PTK2B: variants seen among roughly 807,000 people sequenced by gnomAD.
The protein encoded by PTK2B is protein-tyrosine kinase 2-beta.
In PTK2B, 71 loss-of-function variants were observed where a neutral mutation model predicts 142.9. The ratio of observed to expected loss-of-function variants is 0.50; its 90% CI spans 0.41 to 0.61. The LOEUF (loss-of-function observed/expected upper bound fraction) is 0.61. Ranked by LOEUF, PTK2B falls within the 20% of genes least tolerant of loss-of-function variation. PTK2B has a pLI of 0.00. For synonymous variants in PTK2B, 519 were observed against 503.4 expected, an observed-to-expected ratio of 1.03 and a Z score of -0.42; for missense variants, 1,105 against 1,320.4, an observed-to-expected ratio of 0.84 and a Z score of 2.53.
At chr8:27,451,180 C>A in intron 26 of PTK2B, 102 bp downstream of exon 26, 1 of 1,356,376 alleles carries the variant, frequency 7.4e-7, no homozygotes, top group Non-Finnish European at 1.0e-6. Flanking sequence ...CAGGCCTGCC[C>A]AGCTCCTCCT....
intron 1 of PTK2B, among the ~76,000 whole-genome samples, chr8:27,340,546 G>A (rs767606964): frequency 1.3e-5 from 2 of 152,216 alleles, no homozygotes; most frequent in East Asian, 3.9e-4. Flanking sequence ...ATCATTCTCC[G>A]GTGACAGGAA....
intron 1 of PTK2B, among the ~76,000 whole-genome samples, chr8:27,343,613 A>G (rs922648364): frequency 6.6e-6 from 1 of 152,200 alleles, no homozygotes; most frequent in African/African-American, 2.4e-5. Context: ...TCTCAGCCCA[A>G]TGCCACAGAG....
intron 2 of PTK2B, among the ~76,000 whole-genome samples, chr8:27,406,837 T>G (rs937474752): frequency 4.6e-5 from 7 of 152,308 alleles, no homozygotes; most frequent in Non-Finnish European, 1.0e-4. Flanking sequence ...AATAAAACTT[T>G]ACCTGTCATG....
intron 5 of PTK2B, among the ~76,000 whole-genome samples, chr8:27,426,057 G>A (rs1007828359): frequency 3.3e-5 from 5 of 151,980 alleles, no homozygotes; most frequent in African/African-American, 7.3e-5. Context: ...TCCACCCCCA[G>A]CAGAGCCCTA....
chr8:27,421,952 G>T (rs570168556), intron 4 of PTK2B, among the ~76,000 whole-genome samples: 1 of 152,202 alleles, frequency 6.6e-6, no homozygotes, highest in South Asian at 2.1e-4. Context: ...GCCTGTGAAT[G>T]ACATTTATCA....
upstream of PTK2B, among the ~76,000 whole-genome samples, chr8:27,322,038 GGAGT>G (rs1803229799): frequency 6.6e-6 from 1 of 151,690 alleles, no homozygotes; most frequent in Non-Finnish European, 1.5e-5. Context: ...CACCCAGGCT[GGAGT>G]GCAGTGGCAT....
chr8:27,350,357 A>G (rs968431875), intron 1 of PTK2B, among the ~76,000 whole-genome samples: 2 of 130,470 alleles, frequency 1.5e-5, no homozygotes, highest in African/African-American at 6.0e-5. Context: ...AGACATTTGC[A>G]TTCTCTTCTG....
chr8:27,428,931 T>C (rs892821027), intron 5 of PTK2B, among the ~76,000 whole-genome samples: 1 of 152,236 alleles, frequency 6.6e-6, no homozygotes, highest in Non-Finnish European at 1.5e-5. Context: ...TCTTTTTAAT[T>C]CTTTTGAGAC....
chr8:27,422,421 G>C (rs773856594), intron 5 of PTK2B, 38 bp downstream of exon 5: 1 of 1,554,270 alleles, frequency 6.4e-7, no homozygotes, highest in South Asian at 1.2e-5. Context: ...AGGGCGCTGT[G>C]CTGAGCTCTG....
intron 1 of PTK2B, among the ~76,000 whole-genome samples, chr8:27,390,909 G>T (rs1257092998): frequency 6.6e-6 from 1 of 152,120 alleles, no homozygotes; most frequent in African/African-American, 2.4e-5. Flanking sequence ...ACTCAAGGCT[G>T]CCATGTTGTC....
chr8:27,397,202 G>C (rs1808104006), intron 1 of PTK2B, among the ~76,000 whole-genome samples: 1 of 152,186 alleles, frequency 6.6e-6, no homozygotes, highest in African/African-American at 2.4e-5. Context: ...GAACCAAGCT[G>C]TGACCGCCTT....
chr8:27,357,109 C>T (rs1805435936), intron 1 of PTK2B, among the ~76,000 whole-genome samples: 1 of 152,294 alleles, frequency 6.6e-6, no homozygotes, highest in South Asian at 2.1e-4. Flanking sequence ...GTCTGTAGTT[C>T]AGTCACAGTA....
At chr8:27,349,185 C>G (rs1174775714) in intron 1 of PTK2B, among the ~76,000 whole-genome samples, 4 of 152,202 alleles carry the variant, frequency 2.6e-5, no homozygotes, top group African/African-American at 9.6e-5. Context: ...GAGAAAACAA[C>G]AGAGAAGGCC....
At chr8:27,426,790 C>T (rs1415770929) in intron 5 of PTK2B, among the ~76,000 whole-genome samples, 1 of 152,194 alleles carries the variant, frequency 6.6e-6, no homozygotes, top group East Asian at 1.9e-4. Context: ...GCTGAGCTTC[C>T]TTTACCCTAA....
intron 1 of PTK2B, among the ~76,000 whole-genome samples, chr8:27,366,691 C>A (rs1183227505): frequency 1.3e-5 from 2 of 152,152 alleles, no homozygotes; most frequent in Admixed American, 1.3e-4. Flanking sequence ...CATTTCCCCC[C>A]GAGGGAGGCA....
intron 18 of PTK2B, 106 bp from the exon 19 acceptor site, chr8:27,438,925 T>C (rs1810972483): frequency 1.9e-6 from 2 of 1,072,898 alleles, no homozygotes; most frequent in Non-Finnish European, 2.8e-6. Flanking sequence ...TCCGAGTCCC[T>C]GGCTTAGATT....
At chr8:27,422,921 G>A (rs1809852583) in intron 5 of PTK2B, among the ~76,000 whole-genome samples, 1 of 152,114 alleles carries the variant, frequency 6.6e-6, no homozygotes, top group South Asian at 2.1e-4. Flanking sequence ...TTCCATGTAG[G>A]AGCCATTCAT....
chr8:27,347,192 C>G (rs1804765531), intron 1 of PTK2B, among the ~76,000 whole-genome samples: 1 of 143,022 alleles, frequency 7.0e-6, no homozygotes, highest in Non-Finnish European at 1.5e-5. Context: ...GCCTGGCCAA[C>G]ATGGTGAAAC....
intron 1 of PTK2B, among the ~76,000 whole-genome samples, chr8:27,328,557 C>T (rs142710536): frequency 3.0e-4 from 45 of 152,300 alleles, no homozygotes; most frequent in African/African-American, 9.6e-4. Context: ...CATTTTGTCC[C>T]CAGGCCCTTG....
Sources: gnomAD v4.1 joint callset for allele counts (sites outside exome capture counted in the v4.1 genomes callset) on GRCh38, gnomAD v4.1.1 for gene constraint, MANE v1.5 for transcripts, NCBI Gene and HGNC (gene_info 2026-07-23, HGNC 2026-07-21) for gene names.